Variants in FSTL1 observed in about 807,000 individuals in gnomAD.
The protein encoded by FSTL1 is follistatin-related protein 1.
Under a neutral mutation model 45.9 loss-of-function variants are expected in FSTL1, and 24 were observed. The ratio of observed to expected loss-of-function variants is 0.52; its 90% CI spans 0.38 to 0.74. The LOEUF is 0.74. Among genes scored for constraint, FSTL1 ranks in the 30% least tolerant of loss-of-function variants. The pLI, the probability that FSTL1 is intolerant of heterozygous loss-of-function variation, is 0.00. For synonymous variants in FSTL1, 120 were observed against 137.6 expected, an observed-to-expected ratio of 0.87 and a Z score of 0.89; for missense variants, 340 against 381.8, an observed-to-expected ratio of 0.89 and a Z score of 0.91.
chr3:120,411,640 T>C (rs977440833), intron 4 of FSTL1, among the ~76,000 whole-genome samples: 4 of 152,240 alleles, frequency 2.6e-5, no homozygotes, highest in African/African-American at 9.6e-5. Context: ...GGATCTGATA[T>C]AGCAAACCCT....
At chr3:120,403,029 C>A in intron 8 of FSTL1, 111 bp from the exon 9 acceptor site, 2 of 780,974 alleles carry the variant, frequency 2.6e-6, no homozygotes, top group South Asian at 1.5e-5. Flanking sequence ...CTGCCTGTCC[C>A]TCAGAAGCAC....
At chr3:120,434,717 T>C (rs1488703773) in intron 2 of FSTL1, among the ~76,000 whole-genome samples, 3 of 152,236 alleles carry the variant, frequency 2.0e-5, no homozygotes, top group African/African-American at 4.8e-5. Context: ...AGGCTCTTCA[T>C]GTCTCTCCCT....
chr3:120,433,337 A>T (rs1937508998), intron 2 of FSTL1, among the ~76,000 whole-genome samples: 1 of 152,230 alleles, frequency 6.6e-6, no homozygotes, highest in East Asian at 1.9e-4. Flanking sequence ...CAAACTGTTG[A>T]CGGGCAAGTG....
At chr3:120,439,430 T>C (rs1463044210) in intron 2 of FSTL1, among the ~76,000 whole-genome samples, 1 of 152,234 alleles carries the variant, frequency 6.6e-6, no homozygotes, top group East Asian at 1.9e-4. Context: ...GTCTATCATC[T>C]CTGCTTATCT....
chr3:120,396,784 C>T lies in FSTL1; in HGVS notation c.*168G>A. The T allele has an allele frequency of 1.6e-6, 1 of 625,444 alleles. No individual in the cohort carries two copies. The highest frequency in any genetic ancestry group is 2.6e-5 in the East Asian group (1 of 38,186). The allele number at this position is 625,444 out of a possible 1,614,324, so 38.7% of individuals were successfully genotyped here. On this transcript the variant is annotated 3_prime_UTR_variant, in exon 11 of 11. Coordinates refer to ENST00000295633, the MANE Select transcript of FSTL1 (RefSeq NM_007085.5). The stretch of plus-strand genomic sequence containing the variant: ...AAGGCTGTGGCCCTTCCCTTCCTAG[C>T]CAGCCACCTTCATATCCTTTATTGC...
intron 2 of FSTL1, among the ~76,000 whole-genome samples, chr3:120,428,009 G>A (rs1937412448): frequency 6.6e-6 from 1 of 152,166 alleles, no homozygotes; most frequent in Admixed American, 6.5e-5. Flanking sequence ...ATTATCTGAG[G>A]CCAGTGCTTT....
intron 2 of FSTL1, among the ~76,000 whole-genome samples, chr3:120,420,539 T>G (rs1001676933): frequency 6.6e-6 from 1 of 152,184 alleles, no homozygotes; most frequent in East Asian, 1.9e-4. Flanking sequence ...GCTCTGGAGA[T>G]TTGGTCTCAT....
intron 3 of FSTL1, among the ~76,000 whole-genome samples, chr3:120,414,111 G>A (rs2107656835): frequency 1.3e-5 from 2 of 152,154 alleles, no homozygotes; most frequent in Middle Eastern, 3.4e-3. Flanking sequence ...GGAGTGCAGT[G>A]GCGTGATCTC....
chr3:120,417,039 T>G (rs1237524170), intron 2 of FSTL1, among the ~76,000 whole-genome samples: 1 of 152,182 alleles, frequency 6.6e-6, no homozygotes, highest in Admixed American at 6.5e-5. Context: ...TCATCCTGAC[T>G]GGCTGGGCAG....
intron 4 of FSTL1, 29 bp downstream of exon 4, chr3:120,411,825 T>A (rs1447063439): frequency 4.4e-6 from 7 of 1,599,868 alleles, no homozygotes; most frequent in Non-Finnish European, 6.0e-6. Flanking sequence ...TGGCTAAAGC[T>A]GCCTTGCAGT....
chr3:120,403,937 A>AAAAAAC (rs1936885828), intron 7 of FSTL1, among the ~76,000 whole-genome samples: 1 of 130,384 alleles, frequency 7.7e-6, no homozygotes, highest in Non-Finnish European at 1.7e-5. Context: ...AAAAAAAAAA[A>AAAAAAC]AAAAAAACAA....
intron 2 of FSTL1, among the ~76,000 whole-genome samples, chr3:120,442,031 C>A (rs993469660): frequency 1.3e-5 from 2 of 151,312 alleles, no homozygotes; most frequent in African/African-American, 4.8e-5. Flanking sequence ...AAAGGCTGTG[C>A]AAATAAAGAC....
Position 120,399,944 on chromosome 3 carries a change from C to G in FSTL1, c.821G>C (p.Gly274Ala), listed in dbSNP as rs1936787046. ...AMTCDGKNQK[G>A]AQTQTEEEMT... The stretch of plus-strand genomic sequence containing the variant: ...CTCCTCCTCTGTCTGGGTCTGGGCC[C>G]CCTTCTGATTCTTTCCTGCAAGAAG... Residue 274 changes from glycine to alanine, a missense_variant, in exon 10 of 11, where the codon GGG becomes GCG. Transcript: ENST00000295633. 2 of 1,607,882 alleles carry G rather than the reference C, an allele frequency of 1.2e-6. No individual in the cohort carries two copies. Among genetic ancestry groups the G allele is most frequent in the Non-Finnish European group, 1.7e-6 (2 of 1,176,782 alleles).
intron 6 of FSTL1, 44 bp downstream of exon 6, chr3:120,409,488 C>T (rs1200333969): frequency 6.3e-7 from 1 of 1,580,254 alleles, no homozygotes; most frequent in East Asian, 2.2e-5. Context: ...AGGAAGCTTC[C>T]CTTTCTATGG....
At position 120,396,948 on chromosome 3, in the gene FSTL1, C is replaced by T; in HGVS notation, c.*4G>A. ...GGATCCAGACACTGGTCTGTGCCTC[C>T]TCATTAGATCTCTTTGGTGCTCACT... is the stretch of plus-strand genomic sequence containing the variant. On this transcript the variant is annotated 3_prime_UTR_variant, in exon 11 of 11. Coordinates refer to ENST00000295633, the MANE Select transcript of FSTL1 (RefSeq NM_007085.5). 6.2e-7 allele frequency: 1 copy of T among 1,607,530 alleles called. No homozygotes were observed. Among genetic ancestry groups the T allele is most frequent in the Non-Finnish European group, 8.5e-7 (1 of 1,173,922 alleles).
chr3:120,400,840 T>G (rs533363458), intron 9 of FSTL1, among the ~76,000 whole-genome samples: 24 of 152,194 alleles, frequency 1.6e-4, no homozygotes, highest in Non-Finnish European at 3.1e-4. Flanking sequence ...CATCCATACG[T>G]GCTCAGGCCC....
intron 3 of FSTL1, among the ~76,000 whole-genome samples, chr3:120,414,861 C>T (rs13066496): frequency 0.21 from 31,657 of 149,792 alleles, 4,352 homozygotes; most frequent in Non-Finnish European, 0.31. Context: ...TGCGGAAGGC[C>T]GCAGGGTCCT....
In FSTL1 at chr3:120,415,928, T is replaced by C. The variant is rs540614770; in HGVS notation, c.163A>G (p.Ile55Val). The change falls in exon 3 of 11, where the codon ATT (isoleucine) becomes GTT (valine). Residue 55 changes from isoleucine to valine, a missense_variant. Ile to Val is a conservative substitution (Grantham distance 29). Coordinates refer to ENST00000295633, the MANE Select transcript of FSTL1 (RefSeq NM_007085.5). ...TEKGEPTCLCIEQCKPHKRPV... is the reference protein window; with the variant it reads ...TEKGEPTCLCVEQCKPHKRPV... ...CTCCCGACATCAGGACTTACCTCAA[T>C]GCAGAGACAGGTGGGTTCCCCTTTC... is the stretch of plus-strand genomic sequence containing the variant. 2 of 1,603,914 alleles carry C rather than the reference T, an allele frequency of 1.2e-6. No individual in the cohort carries two copies. Among genetic ancestry groups the C allele is most frequent in the Admixed American group, 3.3e-5 (2 of 60,024 alleles).
In FSTL1 at chr3:120,394,386, A is replaced by C. The variant is rs750563045; in HGVS notation, c.*2566T>G. On this transcript the variant is annotated 3_prime_UTR_variant, in exon 11 of 11. Coordinates refer to ENST00000295633, the MANE Select transcript of FSTL1 (RefSeq NM_007085.5). ...GCCTACTAAATACAAATACAAGTTC[A>C]CAAACACATATGCAACAGAAACTTG... 6.6e-6 allele frequency: 1 copy of C among 152,270 alleles called. No individual in the cohort carries two copies. Among genetic ancestry groups the C allele is most frequent in the Non-Finnish European group, 1.5e-5 (1 of 68,052 alleles). The allele number at this position is 152,270 out of a possible 1,614,324, so 9.4% of individuals were successfully genotyped here.
Sources: allele counts gnomAD v4.1 joint callset (sites outside exome capture counted in the v4.1 genomes callset), GRCh38; gene constraint gnomAD v4.1.1; transcripts MANE v1.5; gene names NCBI Gene and HGNC (gene_info 2026-07-23, HGNC 2026-07-21).